EXOC6B: variants seen among roughly 807,000 people sequenced by gnomAD.
EXOC6B encodes the protein SEC15 homolog B.
A neutral mutation model predicts 113.5 loss-of-function variants in EXOC6B; 54 were observed. The ratio of observed to expected loss-of-function variants is 0.48; its 90% CI spans 0.38 to 0.60. The LOEUF is 0.60. Among genes scored for constraint, EXOC6B ranks in the 20% least tolerant of loss-of-function variants. The pLI is 0.00. For synonymous variants in EXOC6B, 357 were observed against 339.0 expected (o/e 1.05, Z -0.58); for missense variants, 797 against 977.5 (o/e 0.82, Z 2.46).
intron 18 of EXOC6B, among the ~76,000 whole-genome samples, chr2:72,401,619 AT>A (rs2105169529): frequency 2.0e-5 from 1 of 49,618 alleles, no homozygotes; most frequent in Admixed American, 2.8e-4. Flanking sequence ...ATATATATAT[AT>A]ACATATATAT....
chr2:72,216,771 A>G (rs1468168115), intron 20 of EXOC6B, among the ~76,000 whole-genome samples: 1 of 152,238 alleles, frequency 6.6e-6, no homozygotes, highest in Non-Finnish European at 1.5e-5. Context: ...TGAAGCAGGA[A>G]GCCATCATTC....
intron 6 of EXOC6B, among the ~76,000 whole-genome samples, chr2:72,583,613 A>G (rs912095010): frequency 2.6e-5 from 4 of 152,256 alleles, no homozygotes; most frequent in African/African-American, 9.6e-5. Context: ...ATTAAACTTC[A>G]TAAGCAAAGG....
At chr2:72,733,006 CAT>C (rs1311441501) in intron 3 of EXOC6B, 63 bp downstream of exon 3, 9 of 1,094,696 alleles carry the variant, frequency 8.2e-6, no homozygotes, top group Admixed American at 5.9e-5. Flanking sequence ...AAATGAATAA[CAT>C]AGTCATTAAA....
chr2:72,292,527 T>G (rs1384049167), intron 20 of EXOC6B, among the ~76,000 whole-genome samples: 1 of 146,912 alleles, frequency 6.8e-6, no homozygotes, highest in Admixed American at 6.8e-5. Flanking sequence ...AGTTTTTACA[T>G]GCACGCTTTG....
chr2:72,191,304 C>A (rs1678816831), intron 20 of EXOC6B, among the ~76,000 whole-genome samples: 1 of 152,026 alleles, frequency 6.6e-6, no homozygotes, highest in Non-Finnish European at 1.5e-5. Context: ...TGCTATATTT[C>A]CTTGTTTTTT....
At chr2:72,432,500 C>G (rs1695598756) in intron 18 of EXOC6B, among the ~76,000 whole-genome samples, 1 of 152,208 alleles carries the variant, frequency 6.6e-6, no homozygotes, top group African/African-American at 2.4e-5. Context: ...GGAATCACCA[C>G]ACTGTCTTCC....
At chr2:72,307,074 C>T (rs1376858941) in intron 20 of EXOC6B, among the ~76,000 whole-genome samples, 2 of 152,082 alleles carry the variant, frequency 1.3e-5, no homozygotes, top group Non-Finnish European at 2.9e-5. Context: ...ACATTACAAT[C>T]AGAACAACCT....
intron 7 of EXOC6B, among the ~76,000 whole-genome samples, chr2:72,570,171 T>A (rs1036725983): frequency 6.6e-6 from 1 of 151,974 alleles, no homozygotes; most frequent in African/African-American, 2.4e-5. Context: ...ACACACATTA[T>A]AAAAAGAGGA....
At chr2:72,339,682 C>A (rs1572937383) in intron 19 of EXOC6B, among the ~76,000 whole-genome samples, 1 of 152,258 alleles carries the variant, frequency 6.6e-6, no homozygotes. Flanking sequence ...CAGGACCTGA[C>A]TCCAAGATAC....
rs756207796 is a variant in EXOC6B, at chr2:72,431,580, C to T, written c.1980+33580G>A. ...GTGTTGCCCAGACTGGTGTGGAATG[C>T]CTGGCCTCAAGTAAGCCTCCCAGAT... On this transcript the variant is annotated intron_variant, in intron 18 of 21. Transcript: ENST00000272427. Among the ~76,000 whole-genome samples the T allele has an allele frequency of 1.8e-3, 276 of 151,866 alleles. 4 individuals are homozygous for T. Among genetic ancestry groups the T allele is most frequent in the Non-Finnish European group, 3.2e-3 (215 of 67,966 alleles).
chr2:72,493,319 TCC>T (rs10564378), intron 15 of EXOC6B, among the ~76,000 whole-genome samples: 94,100 of 115,290 alleles, frequency 0.82, 39,637 homozygotes, highest in East Asian at 0.99. Flanking sequence ...TCTGTTTTTC[TCC>T]CCCCCCCCCC....
chr2:72,683,602 A>T (rs1024830050), intron 6 of EXOC6B, among the ~76,000 whole-genome samples: 1 of 152,204 alleles, frequency 6.6e-6, no homozygotes, highest in African/African-American at 2.4e-5. Context: ...TGGGATTTTG[A>T]GTGATGCTTA....
At chr2:72,559,600 T>G in intron 7 of EXOC6B, 79 bp from the exon 8 acceptor site, 2 of 1,162,520 alleles carry the variant, frequency 1.7e-6, no homozygotes, top group Admixed American at 4.7e-5. Context: ...TACTCAAGTG[T>G]TTGGTTCTTT....
At chr2:72,294,729 C>T (rs867972590) in intron 20 of EXOC6B, among the ~76,000 whole-genome samples, 39 of 151,810 alleles carry the variant, frequency 2.6e-4, no homozygotes, top group Admixed American at 1.3e-3. Flanking sequence ...TTGCTAATAA[C>T]GTAGAATATA....
rs1701146300 is a variant in EXOC6B, at chr2:72,515,069, A to G, written c.973T>C (p.Leu325=). The change falls in exon 9 of 22, where the codon TTG becomes CTG. Residue 325 remains leucine (L), a synonymous_variant. Coordinates refer to ENST00000272427, the MANE Select transcript of EXOC6B (RefSeq NM_015189.3). Reference sequence around the variant, plus strand: ...ATGTTAGATGGAGGTTGAAGTACCAAACGAGCCTGTTTTCGCCTCTGTTTT... The same window carrying G: ...ATGTTAGATGGAGGTTGAAGTACCAGACGAGCCTGTTTTCGCCTCTGTTTT... ...YRKQRRKQAR[L]VLQPPSNMHE... 2 of 1,607,572 alleles carry G rather than the reference A, an allele frequency of 1.2e-6. No individual in the cohort carries two copies. The highest frequency in any genetic ancestry group is 1.7e-6 in the Non-Finnish European group (2 of 1,177,084).
At chr2:72,205,096 C>CAG (rs149819968) in intron 20 of EXOC6B, among the ~76,000 whole-genome samples, 4 of 151,570 alleles carry the variant, frequency 2.6e-5, no homozygotes, top group African/African-American at 4.8e-5. Context: ...ATACTTTTGC[C>CAG]AGAGAGAGAG....
chr2:72,641,073 A>C (rs575065384), intron 6 of EXOC6B, among the ~76,000 whole-genome samples: 22 of 152,324 alleles, frequency 1.4e-4, no homozygotes, highest in African/African-American at 5.1e-4. Flanking sequence ...CAAGACAGAA[A>C]ATTAGCAAAG....
chr2:72,591,336 G>A (rs989444894), intron 6 of EXOC6B, among the ~76,000 whole-genome samples: 1 of 152,048 alleles, frequency 6.6e-6, no homozygotes, highest in Non-Finnish European at 1.5e-5. Context: ...GTTACCTCAG[G>A]TTCAGAATAG....
At chr2:72,258,435 C>A (rs1683490666) in intron 20 of EXOC6B, among the ~76,000 whole-genome samples, 2 of 145,878 alleles carry the variant, frequency 1.4e-5, no homozygotes, top group South Asian at 4.3e-4. Context: ...ACAATCATGG[C>A]TCACTGCAGC....
Sources: gnomAD v4.1 joint callset for allele counts (sites outside exome capture counted in the v4.1 genomes callset) on GRCh38, gnomAD v4.1.1 for gene constraint, MANE v1.5 for transcripts, NCBI Gene and HGNC (gene_info 2026-07-23, HGNC 2026-07-21) for gene names.